The following ANK3 variants were observed in gnomAD, a reference collection of about 807,000 sequenced individuals.
ANK3 encodes the protein ankyrin-3.
ANK3 carries 57 observed loss-of-function variants against 370.9 expected under a neutral mutation model. That is an observed-to-expected ratio of 0.15 (90% CI 0.12 to 0.19). The LOEUF is 0.19. ANK3 is among the 10% of genes least tolerant of loss of function. ANK3 has a pLI of 1.00. For synonymous variants in ANK3, 1,929 were observed against 1,946.3 expected, an observed-to-expected ratio of 0.99 and a Z score of 0.23; for missense variants, 4,439 against 5,302.1, an observed-to-expected ratio of 0.84 and a Z score of 5.06.
At chr10:60,447,883 T>G (rs1746516670) in intron 2 of ANK3, among the ~76,000 whole-genome samples, 1 of 152,136 alleles carries the variant, frequency 6.6e-6, no homozygotes, top group Admixed American at 6.5e-5. Flanking sequence ...ACCGATAATT[T>G]TAAGAATCTT....
chr10:60,143,539 A>C (rs2132225075), intron 23 of ANK3, among the ~76,000 whole-genome samples: 1 of 152,334 alleles, frequency 6.6e-6, no homozygotes, highest in East Asian at 1.9e-4. Flanking sequence ...CTTACTAAAA[A>C]GGAGCTGTGT....
chr10:60,520,939 G>A (rs1188314180), intron 2 of ANK3, among the ~76,000 whole-genome samples: 1 of 150,020 alleles, frequency 6.7e-6, no homozygotes, highest in Non-Finnish European at 1.5e-5. Context: ...TTTTGTCTTA[G>A]TTTTTTTTTT....
At chr10:60,250,582 G>T (rs993442666) in intron 7 of ANK3, among the ~76,000 whole-genome samples, 1 of 152,048 alleles carries the variant, frequency 6.6e-6, no homozygotes, top group Non-Finnish European at 1.5e-5. Context: ...AGCCAGGATG[G>T]TCTCGATCTC....
chr10:60,168,141 TCAGCCTC>T (rs1426357846), intron 21 of ANK3, among the ~76,000 whole-genome samples: 2 of 152,178 alleles, frequency 1.3e-5, no homozygotes, highest in Non-Finnish European at 2.9e-5. Flanking sequence ...TTCTCTTGCC[TCAGCCTC>T]CCCAGTAGCT....
chr10:60,271,835 T>C (rs1014745640), intron 4 of ANK3, among the ~76,000 whole-genome samples: 2 of 151,180 alleles, frequency 1.3e-5, no homozygotes, highest in Admixed American at 6.6e-5. Context: ...CATAGCTATG[T>C]ACTTATCAGA....
At chr10:60,206,891 G>C (rs1025545832) in intron 10 of ANK3, among the ~76,000 whole-genome samples, 1 of 152,186 alleles carries the variant, frequency 6.6e-6, no homozygotes, top group South Asian at 2.1e-4. Context: ...TGCTTTCACC[G>C]AGGCTTCTCA....
intron 10 of ANK3, among the ~76,000 whole-genome samples, chr10:60,207,350 C>T (rs1159028060): frequency 2.0e-5 from 3 of 152,164 alleles, no homozygotes; most frequent in Non-Finnish European, 4.4e-5. Context: ...CTCAAAATTG[C>T]TAGTAAACTC....
chr10:60,488,926 AAAC>A (rs1288386919), intron 2 of ANK3, among the ~76,000 whole-genome samples: 1 of 152,268 alleles, frequency 6.6e-6, no homozygotes, highest in Non-Finnish European at 1.5e-5. Context: ...TGACATTACC[AAAC>A]ATAGCCTTGG....
intron 2 of ANK3, among the ~76,000 whole-genome samples, chr10:60,397,201 TAA>T (rs200880865): frequency 2.8e-4 from 39 of 139,916 alleles, no homozygotes; most frequent in African/African-American, 9.4e-4. Flanking sequence ...ATAGTAGGAT[TAA>T]AAAAAAAAAA....
chr10:60,612,602 C>T (rs2078215820), intron 2 of ANK3, among the ~76,000 whole-genome samples: 1 of 152,212 alleles, frequency 6.6e-6, no homozygotes, highest in Non-Finnish European at 1.5e-5. Flanking sequence ...AGCAATTCTC[C>T]TGCCTCAGCC....
intron 10 of ANK3, 118 bp downstream of exon 10, chr10:60,207,918 A>C: frequency 2.2e-6 from 2 of 902,902 alleles, no homozygotes; most frequent in Admixed American, 4.5e-5. Context: ...AATTGACAAG[A>C]AGTACACTTT....
chr10:60,200,284 T>C (rs774434653), intron 12 of ANK3, 57 bp from the exon 13 acceptor site: 1 of 1,355,672 alleles, frequency 7.4e-7, no homozygotes, highest in East Asian at 2.3e-5. Flanking sequence ...GTAGTGTATT[T>C]TATTTGGCAT....
intron 2 of ANK3, among the ~76,000 whole-genome samples, chr10:60,587,126 A>G (rs975204977): frequency 2.0e-5 from 3 of 152,170 alleles, no homozygotes; most frequent in Non-Finnish European, 4.4e-5. Flanking sequence ...AGCAAGAGAG[A>G]GAAGAAAGCA....
intron 2 of ANK3, among the ~76,000 whole-genome samples, chr10:60,501,610 C>T (rs942011947): frequency 6.9e-6 from 1 of 144,750 alleles, no homozygotes. Context: ...GAGGCTGAGG[C>T]AGAAGAAATG....
Position 60,109,070 on chromosome 10 carries a change from C to T in ANK3, c.2949-16G>A. ...AACCAGAAACCTGAGGGGAGAAGATCAGAGGCCAATTCAAGGACGGAAATA... is the reference window on the plus strand; with the variant it reads ...AACCAGAAACCTGAGGGGAGAAGATTAGAGGCCAATTCAAGGACGGAAATA... On this transcript the variant is annotated splice_polypyrimidine_tract_variant and intron_variant, in intron 26 of 43. Coordinates refer to ENST00000280772, the MANE Select transcript of ANK3 (RefSeq NM_020987.5). 1 of 1,601,074 alleles carries T rather than the reference C, an allele frequency of 6.2e-7. No homozygotes were observed. The highest frequency in any genetic ancestry group is 2.2e-5 in the East Asian group (1 of 44,694).
intron 5 of ANK3, among the ~76,000 whole-genome samples, chr10:60,266,061 C>T (rs192118377): frequency 9.9e-5 from 15 of 152,146 alleles, no homozygotes; most frequent in African/African-American, 3.6e-4. Context: ...CTACCAAAGA[C>T]AGCAGGAAAA....
At chr10:60,664,502 A>G (rs923644760) in intron 1 of ANK3, among the ~76,000 whole-genome samples, 1 of 152,226 alleles carries the variant, frequency 6.6e-6, no homozygotes, top group Non-Finnish European at 1.5e-5. Flanking sequence ...AGATGGTCCT[A>G]TTGTAAGCTT....
intron 24 of ANK3, 148 bp downstream of exon 24, chr10:60,138,816 G>A (rs1005326077): frequency 2.2e-6 from 2 of 921,554 alleles, no homozygotes; most frequent in African/African-American, 3.4e-5. Flanking sequence ...AGCAGAGCAT[G>A]TGTATTTGCG....
chr10:60,233,046 A>T (rs1205658371), intron 8 of ANK3, among the ~76,000 whole-genome samples: 1 of 152,234 alleles, frequency 6.6e-6, no homozygotes, highest in African/African-American at 2.4e-5. Context: ...TCGTGAGACC[A>T]TCTTTTGATT....
Sources: gnomAD v4.1 joint callset for allele counts (sites outside exome capture counted in the v4.1 genomes callset) on GRCh38, gnomAD v4.1.1 for gene constraint, MANE v1.5 for transcripts, NCBI Gene and HGNC (gene_info 2026-07-23, HGNC 2026-07-21) for gene names.